The following KLHDC1 variants were observed in gnomAD, a reference collection of about 807,000 sequenced individuals.
The protein encoded by KLHDC1 is kelch domain containing 1, also known as kelch domain-containing protein 1.
Under a neutral mutation model 68.3 loss-of-function variants are expected in KLHDC1, and 53 were observed. That is an observed-to-expected ratio of 0.78 (90% CI 0.62 to 0.98). The LOEUF (loss-of-function observed/expected upper bound fraction) is 0.98, where lower values mean the gene tolerates loss of function less well. Ranked by LOEUF, KLHDC1 falls within the 50% of genes least tolerant of loss-of-function variation. The probability of loss-of-function intolerance (pLI) is 0.00; values close to 1 mark genes in which losing one functional copy is unlikely to be tolerated. For missense variants in KLHDC1, 470 were observed against 492.3 expected (o/e 0.95, Z 0.43); for synonymous variants, 148 against 159.0 (o/e 0.93, Z 0.52).
intron 1 of KLHDC1, among the ~76,000 whole-genome samples, chr14:49,701,152 T>C (rs1156674524): frequency 6.6e-6 from 1 of 152,112 alleles, no homozygotes; most frequent in African/African-American, 2.4e-5. Context: ...TAAGACTATT[T>C]TGTATTTAAA....
chr14:49,731,242 T>A (rs1046500941), intron 8 of KLHDC1, among the ~76,000 whole-genome samples: 3 of 152,072 alleles, frequency 2.0e-5, no homozygotes, highest in African/African-American at 7.2e-5. Context: ...ATCACGCCAT[T>A]GCACTCCAGC....
At chr14:49,734,022 A>G (rs1222051827) in intron 9 of KLHDC1, among the ~76,000 whole-genome samples, 4 of 152,220 alleles carry the variant, frequency 2.6e-5, no homozygotes, top group Admixed American at 2.6e-4. Flanking sequence ...TAACATCTGT[A>G]CATTTCACTA....
intron 9 of KLHDC1, among the ~76,000 whole-genome samples, chr14:49,733,561 G>A (rs1888865954): frequency 6.6e-6 from 1 of 151,534 alleles, no homozygotes; most frequent in African/African-American, 2.4e-5. Context: ...CTGAGTAGCT[G>A]GGATTACAGG....
At chr14:49,697,354 A>T (rs1247773559) in intron 1 of KLHDC1, among the ~76,000 whole-genome samples, 1 of 152,240 alleles carries the variant, frequency 6.6e-6, no homozygotes, top group Non-Finnish European at 1.5e-5. Context: ...AGTTAAGTTC[A>T]CCATCCTATA....
At position 49,743,765 on chromosome 14, in the gene KLHDC1, G is replaced by C; in HGVS notation, c.994G>C (p.Asp332His). The C allele has an allele frequency of 6.3e-7, 1 of 1,593,042 alleles. No homozygotes were observed. The highest frequency in any genetic ancestry group is 2.2e-5 in the East Asian group (1 of 44,486). ...LLALDTGHCN[D>H]LLIFQTQPYS... ...TTGTGTTGATTAGGGTCACTGTAAT[G>C]ATTTATTGATCTTTCAAACACAGCC... is the stretch of plus-strand genomic sequence containing the variant. Residue 332 changes from aspartate to histidine, a missense_variant, in exon 12 of 13, where the codon GAT (aspartate) becomes CAT (histidine). Physicochemically the swap from Asp to His is moderately conservative, Grantham distance 81 (BLOSUM62 -1). Transcript: ENST00000359332.
chr14:49,706,389 G>A (rs1298223542), intron 1 of KLHDC1, among the ~76,000 whole-genome samples: 1 of 152,098 alleles, frequency 6.6e-6, no homozygotes, highest in Non-Finnish European at 1.5e-5. Flanking sequence ...TGTGTTGATG[G>A]ACACAAGTTG....
chr14:49,749,975 G>A (rs920342968), intron 12 of KLHDC1, among the ~76,000 whole-genome samples: 18 of 152,072 alleles, frequency 1.2e-4, no homozygotes, highest in African/African-American at 4.1e-4. Flanking sequence ...CAGGAGAATC[G>A]CTTGAACCCA....
chr14:49,732,069 A>C (rs765316304), intron 8 of KLHDC1, among the ~76,000 whole-genome samples: 1 of 152,250 alleles, frequency 6.6e-6, no homozygotes, highest in Non-Finnish European at 1.5e-5. Flanking sequence ...AACAACAGTA[A>C]AAAGTTACAG....
chr14:49,705,329 G>A (rs1389142750), intron 1 of KLHDC1, among the ~76,000 whole-genome samples: 1 of 137,184 alleles, frequency 7.3e-6, no homozygotes, highest in African/African-American at 2.6e-5. Context: ...CTTAAACAGA[G>A]TAATGACAAT....
intron 1 of KLHDC1, among the ~76,000 whole-genome samples, chr14:49,698,444 C>T (rs1003966390): frequency 1.3e-5 from 2 of 151,112 alleles, no homozygotes; most frequent in Non-Finnish European, 2.9e-5. Context: ...CCTCGTGATC[C>T]GCCCACCTCA....
intron 11 of KLHDC1, 44 bp from the exon 12 acceptor site, chr14:49,743,709 T>C: frequency 8.6e-7 from 1 of 1,158,120 alleles, no homozygotes; most frequent in Non-Finnish European, 1.3e-6. Context: ...AACTCATTGT[T>C]ATTTTTATCA....
At chr14:49,743,376 G>A (rs1209307781) in intron 11 of KLHDC1, among the ~76,000 whole-genome samples, 2 of 149,786 alleles carry the variant, frequency 1.3e-5, no homozygotes, top group African/African-American at 4.9e-5. Flanking sequence ...CTCCAGTCTG[G>A]GCGACAGAGC....
intron 10 of KLHDC1, among the ~76,000 whole-genome samples, chr14:49,736,891 A>T (rs1456202870): frequency 1.3e-5 from 2 of 152,236 alleles, no homozygotes; most frequent in Admixed American, 6.5e-5. Context: ...GTTGAGAACG[A>T]CTGTTCTACA....
intron 12 of KLHDC1, among the ~76,000 whole-genome samples, chr14:49,748,999 C>A (rs1889262208): frequency 6.6e-6 from 1 of 151,968 alleles, no homozygotes; most frequent in African/African-American, 2.4e-5. Flanking sequence ...TGAGATTTCA[C>A]CATATTGGCC....
intron 10 of KLHDC1, among the ~76,000 whole-genome samples, chr14:49,739,055 A>G (rs7156717): frequency 0.66 from 100,820 of 152,110 alleles, 34,221 homozygotes; most frequent in East Asian, 0.89. Flanking sequence ...TGAGGCAAGT[A>G]TAAAATGAGC....
At chr14:49,703,083 A>T (rs1011381381) in intron 1 of KLHDC1, among the ~76,000 whole-genome samples, 52 of 150,544 alleles carry the variant, frequency 3.5e-4, no homozygotes, top group South Asian at 1.0e-3. Context: ...AAATATATAT[A>T]CAATAGAATG....
chr14:49,718,212 T>C (rs1888429226), intron 4 of KLHDC1, among the ~76,000 whole-genome samples: 2 of 152,090 alleles, frequency 1.3e-5, no homozygotes. Flanking sequence ...TTCCAGGAAG[T>C]TTTCCATTTC....
chr14:49,709,394 A>G (rs1384816612), intron 2 of KLHDC1, among the ~76,000 whole-genome samples, 165 bp downstream of exon 2: 1 of 151,946 alleles, frequency 6.6e-6, no homozygotes, highest in Non-Finnish European at 1.5e-5. Context: ...TCATTCCCCT[A>G]CTGTCTTCCC....
At chr14:49,711,880 T>C (rs1888210291) in intron 4 of KLHDC1, among the ~76,000 whole-genome samples, 1 of 151,102 alleles carries the variant, frequency 6.6e-6, no homozygotes, top group African/African-American at 2.4e-5. Context: ...TACGTTATAA[T>C]CGATTTATAT....
Sources: gnomAD v4.1 joint callset for allele counts (sites outside exome capture counted in the v4.1 genomes callset) on GRCh38, gnomAD v4.1.1 for gene constraint, MANE v1.5 for transcripts, NCBI Gene and HGNC (gene_info 2026-07-23, HGNC 2026-07-21) for gene names.